The following ZNF334 variants were observed in gnomAD, a reference collection of about 807,000 sequenced individuals.
ZNF334 encodes the protein zinc finger protein 334.
In ZNF334, 14 loss-of-function variants were observed where a neutral mutation model predicts 12.4. The ratio of observed to expected loss-of-function variants is 1.13; its 90% confidence interval spans 0.74 to 1.76. ZNF334 has a LOEUF of 1.76. Ranked by LOEUF, ZNF334 falls within the 40% of genes most tolerant of loss-of-function variation. The pLI, the probability that ZNF334 is intolerant of heterozygous loss-of-function variation, is 0.00. For missense variants in ZNF334, 797 were observed against 804.5 expected (o/e 0.99, Z 0.11); for synonymous variants, 273 against 269.6 (o/e 1.01, Z -0.12).
At chr20:46,480,784 G>C in the ZNF334 span, among the ~76,000 whole-genome samples, 5 of 152,108 alleles carry the variant, frequency 3.3e-5, no homozygotes, top group African/African-American at 1.2e-4. Flanking sequence ...TAGCTGTATC[G>C]GAGTTGATCT....
chr20:46,489,684 A>T, the ZNF334 span, among the ~76,000 whole-genome samples: 1 of 151,232 alleles, frequency 6.6e-6, no homozygotes, highest in Admixed American at 6.6e-5. Context: ...TAAAAACCAT[A>T]TCTTCAAACC....
At chr20:46,479,446 T>G in the ZNF334 span, among the ~76,000 whole-genome samples, 2 of 152,112 alleles carry the variant, frequency 1.3e-5, no homozygotes, top group African/African-American at 4.8e-5. Context: ...TTATACCCTC[T>G]CCCTTTTGGA....
chr20:46,481,732 T>C, the ZNF334 span, among the ~76,000 whole-genome samples: 1 of 152,112 alleles, frequency 6.6e-6, no homozygotes. Flanking sequence ...CTGACAGACT[T>C]AAAATCCAAC....
chr20:46,466,475 T>C, the ZNF334 span, among the ~76,000 whole-genome samples: 1 of 148,792 alleles, frequency 6.7e-6, no homozygotes, highest in African/African-American at 2.6e-5. Context: ...CAAATGTTTA[T>C]TTATTTATTT....
downstream of ZNF334, among the ~76,000 whole-genome samples, chr20:46,496,994 C>T (rs532109277): frequency 5.3e-5 from 8 of 152,336 alleles, no homozygotes; most frequent in African/African-American, 7.2e-5. Flanking sequence ...AGGACAGTCA[C>T]ATAACAGCCT....
the ZNF334 span, chr20:46,490,829 G>A: frequency 6.6e-6 from 1 of 152,022 alleles, no homozygotes; most frequent in Non-Finnish European, 1.5e-5. Context: ...TTTCCTACTA[G>A]CATGTCAACC....
Position 46,501,202 on chromosome 20 carries a change from T to G in ZNF334, c.*94A>C. ...AAAAATTTTCCATATTCATTACATT[T>G]ATAAGATTTTACTCCTCTATACATA... is the stretch of plus-strand genomic sequence containing the variant. On this transcript the variant is annotated 3_prime_UTR_variant, in exon 5 of 5. Transcript: ENST00000692313. 2 of 1,471,756 alleles carry G rather than the reference T, an allele frequency of 1.4e-6. No homozygotes were observed. Among genetic ancestry groups the G allele is most frequent in the Non-Finnish European group, 1.8e-6 (2 of 1,103,872 alleles). The allele number at this position is 1,471,756 out of a possible 1,614,324, so 91.2% of individuals were successfully genotyped here.
the ZNF334 span, chr20:46,484,697 TC>T: frequency 6.0e-6 from 1 of 165,928 alleles, no homozygotes; most frequent in African/African-American, 2.4e-5. Flanking sequence ...AACTTCATAT[TC>T]TTCAGTAAAG....
the ZNF334 span, chr20:46,484,642 T>C: frequency 0.15 from 24,984 of 167,238 alleles, 1,975 homozygotes; most frequent in African/African-American, 0.18. Flanking sequence ...TCTCCTTCTG[T>C]GCAAATATCT....
chr20:46,513,512 G>A lies in ZNF334; in HGVS notation c.-1011C>T, dbSNP rs985965945. The A allele has an allele frequency of 6.6e-6, 1 of 152,362 alleles. No individual in the cohort carries two copies. Among genetic ancestry groups the A allele is most frequent in the African/African-American group, 2.4e-5 (1 of 41,458 alleles). The allele number at this position is 152,362 out of a possible 1,614,324, so 9.4% of individuals were successfully genotyped here. ...CAGTTCGCACCAGGTCCAAGTCTCG[G>A]CGGGACCAGGGATTCACGGGCTGCA... On this transcript the variant is annotated 5_prime_UTR_variant, in exon 1 of 5. Coordinates refer to ENST00000692313, the MANE Select transcript of ZNF334 (RefSeq NM_001353824.2).
In ZNF334 at chr20:46,513,126, A is replaced by G. The variant is rs1027223762; in HGVS notation, c.-625T>C. 1 of 152,284 alleles carries G rather than the reference A, an allele frequency of 6.6e-6. No individual in the cohort carries two copies. Among genetic ancestry groups the G allele is most frequent in the African/African-American group, 2.4e-5 (1 of 41,456 alleles). 9.4% of individuals were successfully genotyped at this position (152,284 alleles called of 1,614,324 possible). A position where few individuals can be genotyped will look rare whatever the true frequency, so the allele number is the denominator to read the frequency against. On this transcript the variant is annotated 5_prime_UTR_variant, in exon 1 of 5. Coordinates refer to ENST00000692313, the MANE Select transcript of ZNF334 (RefSeq NM_001353824.2). ...CATCCTTCTTCCGAAAGTTGAACTG[A>G]ACTTTGCTGAGCTATAATAATCAAT... is the stretch of plus-strand genomic sequence containing the variant.
At chr20:46,509,082 A>T (rs569058675) in intron 2 of ZNF334, among the ~76,000 whole-genome samples, 97 of 152,216 alleles carry the variant, frequency 6.4e-4, no homozygotes, top group Non-Finnish European at 1.1e-3. Flanking sequence ...TAGAAATTTA[A>T]CCTAAAAGTA....
chr20:46,504,835 G>T, intron 2 of ZNF334, 95 bp from the exon 3 acceptor site: 1 of 1,132,214 alleles, frequency 8.8e-7, no homozygotes, highest in South Asian at 1.7e-5. Context: ...ATGGCTAATG[G>T]AAAGCTATAG....
At chr20:46,495,729 G>T (rs1815738439), downstream of ZNF334, among the ~76,000 whole-genome samples, 1 of 152,174 alleles carries the variant, frequency 6.6e-6, no homozygotes, top group Admixed American at 6.5e-5. Context: ...ACCATGGGAT[G>T]CACGTGTGTT....
the ZNF334 span, chr20:46,481,409 C>T: frequency 2.0e-5 from 3 of 152,234 alleles, no homozygotes; most frequent in South Asian, 2.1e-4. Context: ...CAACAAACTG[C>T]TCAACGACTG....
chr20:46,498,527 A>G (rs1262742548), downstream of ZNF334, among the ~76,000 whole-genome samples: 2 of 152,232 alleles, frequency 1.3e-5, no homozygotes, highest in Non-Finnish European at 2.9e-5. Flanking sequence ...ACATCTTGAC[A>G]GCAACCTCAA....
the ZNF334 span, among the ~76,000 whole-genome samples, chr20:46,487,174 T>TA: frequency 6.6e-6 from 1 of 152,178 alleles, no homozygotes. Flanking sequence ...TGTTGTTGTT[T>TA]AAGAAGCCCA....
At chr20:46,468,045 G>C in the ZNF334 span, among the ~76,000 whole-genome samples, 36 of 152,332 alleles carry the variant, frequency 2.4e-4, no homozygotes, top group Admixed American at 2.2e-3. Flanking sequence ...AACTTTGGGA[G>C]ATCTGTATGA....
At chr20:46,482,648 AT>A in the ZNF334 span, among the ~76,000 whole-genome samples, 1 of 152,030 alleles carries the variant, frequency 6.6e-6, no homozygotes, top group Non-Finnish European at 1.5e-5. Flanking sequence ...ATCTTTTTTT[AT>A]ATCAATAAAA....
Sources: gnomAD v4.1 joint callset for allele counts (sites outside exome capture counted in the v4.1 genomes callset) on GRCh38, gnomAD v4.1.1 for gene constraint, MANE v1.5 for transcripts, NCBI Gene and HGNC (gene_info 2026-07-23, HGNC 2026-07-21) for gene names.